The following MACROD2 variants were observed in gnomAD, a reference collection of about 807,000 sequenced individuals.
The protein encoded by MACROD2 is ADP-ribose glycohydrolase MACROD2.
In MACROD2, 36 loss-of-function variants were observed where a neutral mutation model predicts 70.4. That is an observed-to-expected ratio of 0.51 (90% CI 0.39 to 0.68). MACROD2 has a LOEUF of 0.68. Ranked by LOEUF, MACROD2 falls within the 30% of genes least tolerant of loss-of-function variation. MACROD2 has a pLI of 0.00. For synonymous variants in MACROD2, 172 were observed against 178.8 expected (o/e 0.96, Z 0.30); for missense variants, 496 against 538.4 (o/e 0.92, Z 0.78).
intron 8 of MACROD2, among the ~76,000 whole-genome samples, chr20:15,723,570 C>T (rs888605035): frequency 6.6e-6 from 1 of 152,186 alleles, no homozygotes; most frequent in Non-Finnish European, 1.5e-5. Context: ...ACTTCTTTCA[C>T]TTAGTAATAT....
intron 7 of MACROD2, among the ~76,000 whole-genome samples, chr20:15,477,168 A>T (rs1308155138): frequency 7.1e-6 from 1 of 141,422 alleles, no homozygotes; most frequent in Non-Finnish European, 1.5e-5. Flanking sequence ...TGGCGTAATC[A>T]CAGCAAACTG....
chr20:14,631,151 C>A (rs1481068275), intron 4 of MACROD2, among the ~76,000 whole-genome samples: 1 of 152,054 alleles, frequency 6.6e-6, no homozygotes, highest in Non-Finnish European at 1.5e-5. Flanking sequence ...CCAGACAAAA[C>A]CAGAATGGAA....
intron 5 of MACROD2, among the ~76,000 whole-genome samples, chr20:15,183,988 G>A (rs2076518009): frequency 6.6e-6 from 1 of 152,174 alleles, no homozygotes; most frequent in Non-Finnish European, 1.5e-5. Context: ...AGGAGGGAGT[G>A]GGGGATGCTG....
intron 12 of MACROD2, among the ~76,000 whole-genome samples, chr20:15,961,207 C>T (rs2066055982): frequency 6.6e-6 from 1 of 151,978 alleles, no homozygotes; most frequent in Non-Finnish European, 1.5e-5. Context: ...GGAATGGGGG[C>T]CCATGATTTC....
intron 6 of MACROD2, among the ~76,000 whole-genome samples, chr20:15,275,399 C>T (rs918352330): frequency 1.3e-5 from 2 of 152,184 alleles, no homozygotes; most frequent in African/African-American, 2.4e-5. Context: ...TTAGTATTAA[C>T]ATTATCAGAT....
At chr20:14,576,057 T>G (rs1403127621) in intron 4 of MACROD2, among the ~76,000 whole-genome samples, 1 of 152,198 alleles carries the variant, frequency 6.6e-6, no homozygotes, top group African/African-American at 2.4e-5. Flanking sequence ...ATAATGATTT[T>G]TTCACAGGCA....
chr20:15,192,056 ATCTATCT>A (rs2076576138), intron 5 of MACROD2, among the ~76,000 whole-genome samples: 7 of 138,488 alleles, frequency 5.1e-5, no homozygotes, highest in African/African-American at 1.5e-4. Context: ...CTATCTATCT[ATCTATCT>A]AAAACTCTCT....
intron 4 of MACROD2, among the ~76,000 whole-genome samples, chr20:14,589,785 C>G (rs1000393529): frequency 3.3e-5 from 5 of 152,168 alleles, no homozygotes; most frequent in Non-Finnish European, 5.9e-5. Flanking sequence ...GAGAAAAGTT[C>G]TAACCCCAAC....
chr20:15,687,868 T>C (rs2050248488), intron 8 of MACROD2, among the ~76,000 whole-genome samples: 1 of 152,178 alleles, frequency 6.6e-6, no homozygotes. Flanking sequence ...TCCTCTTTTT[T>C]TGGTTAAGTT....
intron 4 of MACROD2, among the ~76,000 whole-genome samples, chr20:14,535,081 T>C (rs1463664530): frequency 6.6e-6 from 1 of 152,200 alleles, no homozygotes; most frequent in African/African-American, 2.4e-5. Flanking sequence ...TACTTTCTAG[T>C]TAGAAATATT....
intron 5 of MACROD2, among the ~76,000 whole-genome samples, chr20:15,184,023 T>C (rs2076518277): frequency 6.6e-6 from 1 of 152,184 alleles, no homozygotes. Flanking sequence ...ACCCAGGCCT[T>C]ATTTAAAGGG....
At chr20:15,243,003 G>A (rs1329940913) in intron 6 of MACROD2, among the ~76,000 whole-genome samples, 1 of 152,212 alleles carries the variant, frequency 6.6e-6, no homozygotes, top group East Asian at 1.9e-4. Context: ...CTCTAAAGCT[G>A]AGATGATTGT....
chr20:15,179,330 G>C (rs1048117765), intron 5 of MACROD2, among the ~76,000 whole-genome samples: 6 of 152,168 alleles, frequency 3.9e-5, no homozygotes, highest in African/African-American at 1.4e-4. Flanking sequence ...AGACAAGCCA[G>C]ATTGTTTAGT....
intron 5 of MACROD2, among the ~76,000 whole-genome samples, chr20:15,174,466 G>A (rs1044299589): frequency 6.6e-6 from 1 of 152,174 alleles, no homozygotes; most frequent in Admixed American, 6.5e-5. Flanking sequence ...ATAAACATAT[G>A]TGTGCATGTG....
At chr20:15,492,957 A>G (rs1890460098) in intron 7 of MACROD2, among the ~76,000 whole-genome samples, 1 of 152,178 alleles carries the variant, frequency 6.6e-6, no homozygotes, top group African/African-American at 2.4e-5. Flanking sequence ...TACTTTCTAA[A>G]TAATATGCAG....
chr20:15,052,047 G>C (rs983013025), intron 5 of MACROD2, among the ~76,000 whole-genome samples: 36 of 152,230 alleles, frequency 2.4e-4, no homozygotes, highest in African/African-American at 7.7e-4. Context: ...CACTGCGCCC[G>C]GCCGGCCTAT....
intron 5 of MACROD2, among the ~76,000 whole-genome samples, chr20:15,194,870 C>A (rs1172207691): frequency 6.6e-6 from 1 of 152,076 alleles, no homozygotes; most frequent in Non-Finnish European, 1.5e-5. Context: ...GGTTCCTAAT[C>A]CTTTTTTCTT....
At chr20:14,515,469 A>ACACACGCGCGCGCGCG (rs1555798355) in intron 4 of MACROD2, among the ~76,000 whole-genome samples, 1 of 143,656 alleles carries the variant, frequency 7.0e-6, no homozygotes, top group African/African-American at 2.7e-5. Flanking sequence ...ACACACGCAC[A>ACACACGCGCGCGCGCG]CACACACACA....
chr20:14,970,785 G>A (rs2122800361), intron 5 of MACROD2, among the ~76,000 whole-genome samples: 1 of 152,182 alleles, frequency 6.6e-6, no homozygotes, highest in African/African-American at 2.4e-5. Context: ...TCAGTAGCTG[G>A]AACGACAGGT....
Sources: gnomAD v4.1 joint callset for allele counts (sites outside exome capture counted in the v4.1 genomes callset) on GRCh38, gnomAD v4.1.1 for gene constraint, MANE v1.5 for transcripts, NCBI Gene and HGNC (gene_info 2026-07-23, HGNC 2026-07-21) for gene names.